Variants in LHPP observed in about 807,000 individuals in gnomAD.
LHPP encodes the protein hLHPP.
Under a neutral mutation model 30.3 loss-of-function variants are expected in LHPP, and 24 were observed. The observed-to-expected ratio is 0.79, with a 90% CI of 0.57 to 1.11. The LOEUF (loss-of-function observed/expected upper bound fraction) is 1.11. LHPP is among the 50% of genes most tolerant of loss of function. The probability of loss-of-function intolerance (pLI) is 0.00; values close to 1 mark genes in which losing one functional copy is unlikely to be tolerated. For synonymous variants in LHPP, 150 were observed against 157.1 expected, an observed-to-expected ratio of 0.95 and a Z score of 0.34; for missense variants, 356 against 367.2, an observed-to-expected ratio of 0.97 and a Z score of 0.25.
At chr10:124,543,162 C>T (rs914535260) in intron 6 of LHPP, among the ~76,000 whole-genome samples, 2 of 152,226 alleles carry the variant, frequency 1.3e-5, no homozygotes, top group African/African-American at 4.8e-5. Flanking sequence ...AAAATGCCCC[C>T]GTTCCAGCTC....
At chr10:124,534,716 GCT>G (rs1954981351) in intron 6 of LHPP, among the ~76,000 whole-genome samples, 1 of 152,210 alleles carries the variant, frequency 6.6e-6, no homozygotes, top group Non-Finnish European at 1.5e-5. Flanking sequence ...GTTCCTATGC[GCT>G]CTCGGGGCTT....
chr10:124,584,913 C>T (rs1164555088), intron 6 of LHPP, among the ~76,000 whole-genome samples: 4 of 152,082 alleles, frequency 2.6e-5, no homozygotes, highest in East Asian at 1.9e-4. Context: ...CGCGATGGGT[C>T]GCAGTCAAAA....
chr10:124,535,522 A>G (rs1386298797), intron 6 of LHPP, among the ~76,000 whole-genome samples: 2 of 152,124 alleles, frequency 1.3e-5, no homozygotes, highest in African/African-American at 2.4e-5. Context: ...CAGCCTCCCA[A>G]GTAGCCGGGA....
rs1589781545 is a variant in LHPP, at chr10:124,488,462, A to T, written c.354A>T (p.Pro118=). 6.2e-7 allele frequency: 1 copy of T among 1,614,050 alleles called. No homozygotes were observed. Among genetic ancestry groups the T allele is most frequent in the Non-Finnish European group, 8.5e-7 (1 of 1,179,998 alleles). Residue 118 remains proline (P), a synonymous_variant, in exon 3 of 7, where the codon CCA becomes CCT. Transcript: ENST00000368842. ...TTGATCAGATCGACACATCCAACCC[A>T]AACTGTGTGGTAATTGCAGACGCAG... ...SEFDQIDTSN[P]NCVVIADAGE... is the part of the protein sequence containing the mutation.
chr10:124,506,673 G>C lies in LHPP; in HGVS notation c.624+8545G>C, dbSNP rs1253423441. 1.5e-3 allele frequency among the ~76,000 whole-genome samples: 196 copies of C among 127,242 alleles called. 1 individual carries two copies. Among genetic ancestry groups the C allele is most frequent in the Admixed American group, 2.5e-3 (31 of 12,222 alleles). The allele number at this position is 127,242 out of a possible 152,430, so 83.5% of individuals were successfully genotyped here. A position where few individuals can be genotyped will look rare whatever the true frequency, so the allele number is the denominator to read the frequency against. On this transcript the variant is annotated intron_variant, in intron 5 of 6. Coordinates refer to ENST00000368842, the MANE Select transcript of LHPP (RefSeq NM_022126.4). The stretch of plus-strand genomic sequence containing the variant: ...GGAGGGTAGGGAGGATTTCAGGTTG[G>C]GGGGTAGGGAAGATTTCAGGTTGGC...
chr10:124,597,938 C>T (rs981774469), intron 6 of LHPP, among the ~76,000 whole-genome samples: 8 of 152,328 alleles, frequency 5.3e-5, no homozygotes, highest in African/African-American at 1.7e-4. Flanking sequence ...AGGCCCGTCC[C>T]TCTGCCAAAG....
rs377270419 is a variant in LHPP at position 124,537,828 on chromosome 10, G to C, written c.716+20557G>C. Reference sequence around the variant, plus strand: ...AATTTAGGCTGCATGGACACAAGCTGCTGGCTTGAGTCGCCCCGTTATGAA... The same window carrying C: ...AATTTAGGCTGCATGGACACAAGCTCCTGGCTTGAGTCGCCCCGTTATGAA... On this transcript the variant is annotated intron_variant, in intron 6 of 6. Transcript: ENST00000368842. 1.2e-4 allele frequency among the ~76,000 whole-genome samples: 19 copies of C among 152,370 alleles called. No individual in the cohort carries two copies. In the East Asian group the frequency reaches 2.5e-3, roughly 20 times the overall value.
chr10:124,473,710 T>G lies in LHPP; in HGVS notation c.126-10429T>G, dbSNP rs138554686. Among the ~76,000 whole-genome samples, 325 of 152,272 alleles carry G rather than the reference T, an allele frequency of 2.1e-3. 2 individuals carry two copies. The highest frequency in any genetic ancestry group is 7.5e-3 in the African/African-American group (310 of 41,552). On this transcript the variant is annotated intron_variant, in intron 1 of 6. Transcript: ENST00000368842. Reference sequence around the variant, plus strand: ...ACTCATGCCTGTAATCCCAGCACTTTGGGAGGCCGAGGCAAGTGGATCACC... The same window carrying G: ...ACTCATGCCTGTAATCCCAGCACTTGGGGAGGCCGAGGCAAGTGGATCACC...
rs1477680055 is a variant in LHPP at position 124,478,447 on chromosome 10, G to A, written c.126-5692G>A. 6.6e-6 allele frequency among the ~76,000 whole-genome samples: 1 copy of A among 152,198 alleles called. No individual in the cohort carries two copies. The highest frequency in any genetic ancestry group is 2.4e-5 in the African/African-American group (1 of 41,454). On this transcript the variant is annotated intron_variant, in intron 1 of 6. Coordinates refer to ENST00000368842, the MANE Select transcript of LHPP (RefSeq NM_022126.4). This position sits in a 1 kb window ranked among gnomAD's most constrained non-coding sequence, Gnocchi z 4.7. ...CTGCTGCCTGCCCAGTCTCCCCTCC[G>A]AGGGATCCCATTCTCCCTCCAGCCT...
rs1371912549 is a variant in LHPP, at chr10:124,461,914, A to AT, written c.53dup (p.Ser19LeufsTer56). 9 of 1,255,162 alleles carry AT rather than the reference A, an allele frequency of 7.2e-6. No homozygotes were observed. The highest frequency in any genetic ancestry group is 8.0e-6 in the Non-Finnish European group (8 of 996,556). 77.8% of individuals were successfully genotyped at this position (1,255,162 alleles called of 1,614,324 possible). ...TGGCGTGCGCGGGGTGCTGCTTGAC[A>AT]TCTCGGGCGTGCTGTACGACAGCGG... is the stretch of plus-strand genomic sequence containing the variant. On this transcript the variant is annotated frameshift_variant, in exon 1 of 7. Coordinates refer to ENST00000368842, the MANE Select transcript of LHPP (RefSeq NM_022126.4). LOFTEE classifies it high-confidence loss of function.
chr10:124,560,891 T>G (rs577928492), intron 6 of LHPP, among the ~76,000 whole-genome samples: 1 of 152,294 alleles, frequency 6.6e-6, no homozygotes, highest in East Asian at 1.9e-4. Flanking sequence ...TTTAGAGACT[T>G]CCACTTCCAG....
chr10:124,558,731 C>T (rs1269166210), intron 6 of LHPP, among the ~76,000 whole-genome samples: 1 of 152,222 alleles, frequency 6.6e-6, no homozygotes, highest in Non-Finnish European at 1.5e-5. Context: ...TCCCCATTTC[C>T]ATGTTTTGTT....
intron 6 of LHPP, among the ~76,000 whole-genome samples, chr10:124,528,768 A>G (rs990049496): frequency 2.1e-5 from 3 of 140,148 alleles, no homozygotes; most frequent in African/African-American, 8.3e-5. Flanking sequence ...AGCACCTACT[A>G]TGGCCAGGCG....
chr10:124,534,078 T>G (rs990581055), intron 6 of LHPP, among the ~76,000 whole-genome samples: 1 of 152,088 alleles, frequency 6.6e-6, no homozygotes, highest in Admixed American at 6.5e-5. Context: ...TTGGGGGCAG[T>G]GGGCCAGGCA....
chr10:124,467,085 C>CT (rs1407607885), intron 1 of LHPP, among the ~76,000 whole-genome samples: 1 of 151,634 alleles, frequency 6.6e-6, no homozygotes, highest in Non-Finnish European at 1.5e-5. Context: ...GAATGTGCTA[C>CT]TGCACTCCAG....
rs1195536867 is a variant in LHPP, at chr10:124,478,429, C to T, written c.126-5710C>T. Among the ~76,000 whole-genome samples, 1 of 152,194 alleles carries T rather than the reference C, an allele frequency of 6.6e-6. No homozygotes were observed. The highest frequency in any genetic ancestry group is 2.4e-5 in the African/African-American group (1 of 41,450). On this transcript the variant is annotated intron_variant, in intron 1 of 6. Coordinates refer to ENST00000368842, the MANE Select transcript of LHPP (RefSeq NM_022126.4). The surrounding 1 kb of genome is among the most constrained non-coding windows in gnomAD (Gnocchi z 4.7). ...CCCTTTTCCTGAGGCCCCCTGCTGC[C>T]TGCCCAGTCTCCCCTCCGAGGGATC...
At chr10:124,468,124 A>G (rs1952614535) in intron 1 of LHPP, among the ~76,000 whole-genome samples, 1 of 152,210 alleles carries the variant, frequency 6.6e-6, no homozygotes, top group Non-Finnish European at 1.5e-5. Context: ...TATTTTGAGC[A>G]GATGACCCCC....
At chr10:124,610,521 C>A (rs146189638) in intron 6 of LHPP, among the ~76,000 whole-genome samples, 199 of 1,514 alleles carry the variant, frequency 0.13, 41 homozygotes, top group East Asian at 0.61. Flanking sequence ...GGTGAGGGTG[C>A]GGGTGAGGGT....
intron 6 of LHPP, among the ~76,000 whole-genome samples, chr10:124,570,668 ATC>A (rs1348422230): frequency 6.6e-6 from 1 of 152,070 alleles, no homozygotes; most frequent in East Asian, 1.9e-4. Flanking sequence ...GCCTCTTTCA[ATC>A]TCTGTGGATT....
Sources: allele counts gnomAD v4.1 joint callset (sites outside exome capture counted in the v4.1 genomes callset), GRCh38; gene constraint gnomAD v4.1.1; non-coding constraint Gnocchi (gnomAD v3.1); transcripts MANE v1.5; gene names NCBI Gene and HGNC (gene_info 2026-07-23, HGNC 2026-07-21).